XKR4: variants seen among roughly 807,000 people sequenced by gnomAD.
XKR4 encodes the protein XK-related protein 4.
In XKR4, 12 loss-of-function variants were observed where a neutral mutation model predicts 53.9. The ratio of observed to expected loss-of-function variants is 0.22; its 90% CI spans 0.14 to 0.36. The LOEUF is 0.36. Among genes scored for constraint, XKR4 ranks in the 10% least tolerant of loss-of-function variants. XKR4 has a pLI of 1.00. For missense variants in XKR4, 799 were observed against 859.5 expected (o/e 0.93, Z 0.88); for synonymous variants, 354 against 362.4 (o/e 0.98, Z 0.26).
rs1806826288 is a variant in XKR4 at position 55,523,265 on chromosome 8, C to T, written c.1007-16C>T. 6.4e-7 allele frequency: 1 copy of T among 1,573,246 alleles called. No homozygotes were observed. The highest frequency in any genetic ancestry group is 1.3e-5 in the African/African-American group (1 of 74,114). On this transcript the variant is annotated splice_polypyrimidine_tract_variant and intron_variant, in intron 2 of 2. Coordinates refer to ENST00000327381, the MANE Select transcript of XKR4 (RefSeq NM_052898.2). ...AACTGATTTCTGACACACTGTCTTC[C>T]TGTTTGCCTTTGTAGGTTTCACAGC...
At chr8:55,449,857 G>T in intron 2 of XKR4, 1 of 1,005,450 alleles carries the variant, frequency 9.9e-7, no homozygotes, top group Non-Finnish European at 1.6e-6. Flanking sequence ...CAGCTGTCTG[G>T]AACTGGCTGT....
At chr8:55,378,755 C>T (rs1185816504) in intron 2 of XKR4, among the ~76,000 whole-genome samples, 1 of 151,940 alleles carries the variant, frequency 6.6e-6, no homozygotes, top group African/African-American at 2.4e-5. Flanking sequence ...CAAGCCCTGA[C>T]TCTATGATTC....
At chr8:55,485,262 A>G (rs1806175193) in intron 2 of XKR4, among the ~76,000 whole-genome samples, 1 of 152,220 alleles carries the variant, frequency 6.6e-6, no homozygotes, top group Admixed American at 6.5e-5. Context: ...AGACACTGCA[A>G]TAAGGCAAGA....
chr8:55,240,378 T>TA (rs1279157029), intron 1 of XKR4, among the ~76,000 whole-genome samples: 1 of 152,158 alleles, frequency 6.6e-6, no homozygotes, highest in Non-Finnish European at 1.5e-5. Flanking sequence ...CATGTGTTTT[T>TA]AAAAAAATAC....
intron 1 of XKR4, among the ~76,000 whole-genome samples, chr8:55,227,125 C>T (rs771784201): frequency 5.9e-5 from 9 of 152,330 alleles, no homozygotes; most frequent in Middle Eastern, 6.8e-3. Context: ...ACAGAGTCCT[C>T]GTGGCGTTTA....
chr8:55,149,648 C>T (rs1816815609), intron 1 of XKR4, among the ~76,000 whole-genome samples: 1 of 152,160 alleles, frequency 6.6e-6, no homozygotes, highest in South Asian at 2.1e-4. Context: ...GAAGATGCCC[C>T]AAGCTCTGGC....
intron 1 of XKR4, among the ~76,000 whole-genome samples, chr8:55,124,823 C>T (rs1816439663): frequency 6.6e-6 from 1 of 152,198 alleles, no homozygotes; most frequent in African/African-American, 2.4e-5. Flanking sequence ...AAGCAATCCT[C>T]CCACCTTAGC....
At chr8:55,420,623 C>T (rs934470340) in intron 2 of XKR4, among the ~76,000 whole-genome samples, 22 of 105,578 alleles carry the variant, frequency 2.1e-4, no homozygotes, top group South Asian at 8.9e-4. Flanking sequence ...CATCGCACTC[C>T]GGGGACTGTT....
At chr8:55,156,401 G>A (rs540343034) in intron 1 of XKR4, among the ~76,000 whole-genome samples, 2 of 143,648 alleles carry the variant, frequency 1.4e-5, no homozygotes, top group African/African-American at 2.5e-5. Context: ...GCATAGTCAC[G>A]GCGTAAGATG....
rs1394017087 is a variant in XKR4, at chr8:55,541,859, C to T, written c.*17632C>T. 1.3e-5 allele frequency: 2 copies of T among 152,118 alleles called. No individual in the cohort carries two copies. Among genetic ancestry groups the T allele is most frequent in the African/African-American group, 2.4e-5 (1 of 41,510 alleles). 9.4% of individuals were successfully genotyped at this position (152,118 alleles called of 1,614,324 possible). ...AGGCCACTGTCAGCAGGCAGTGACC[C>T]CCAGTGCCCTAGTTTGAAGCACAGT... On this transcript the variant is annotated 3_prime_UTR_variant, in exon 3 of 3. Coordinates refer to ENST00000327381, the MANE Select transcript of XKR4 (RefSeq NM_052898.2).
At chr8:55,146,825 C>T (rs748329249) in intron 1 of XKR4, among the ~76,000 whole-genome samples, 8 of 152,218 alleles carry the variant, frequency 5.3e-5, no homozygotes, top group Non-Finnish European at 1.0e-4. Context: ...ACTGGCCCAG[C>T]TTCAGGGATG....
At chr8:55,304,206 T>A (rs1819253034) in intron 1 of XKR4, among the ~76,000 whole-genome samples, 1 of 152,238 alleles carries the variant, frequency 6.6e-6, no homozygotes, top group Non-Finnish European at 1.5e-5. Context: ...GTGTCTTTGT[T>A]CTCATTGGTT....
chr8:55,363,675 C>G (rs1585539327), intron 2 of XKR4, among the ~76,000 whole-genome samples: 1 of 152,168 alleles, frequency 6.6e-6, no homozygotes, highest in Non-Finnish European at 1.5e-5. Context: ...ATCCCAGTCA[C>G]CCCTGTGCCC....
chr8:55,302,605 A>T (rs951761903), intron 1 of XKR4, among the ~76,000 whole-genome samples: 10 of 152,078 alleles, frequency 6.6e-5, no homozygotes, highest in South Asian at 4.2e-4. Context: ...CATTTTCATG[A>T]TATTGATTCT....
At chr8:55,459,824 G>A (rs1489510649) in intron 2 of XKR4, among the ~76,000 whole-genome samples, 2 of 152,140 alleles carry the variant, frequency 1.3e-5, no homozygotes, top group South Asian at 2.1e-4. Flanking sequence ...TGCTAGTGAT[G>A]AAGTAAAATG....
intron 1 of XKR4, among the ~76,000 whole-genome samples, chr8:55,124,294 T>C (rs940558926): frequency 5.9e-5 from 9 of 152,202 alleles, no homozygotes; most frequent in African/African-American, 2.2e-4. Context: ...CAGCTCTTTG[T>C]GGAACCTTCT....
chr8:55,357,839 G>A lies in XKR4; in HGVS notation c.968G>A (p.Cys323Tyr). The A allele has an allele frequency of 6.2e-7, 1 of 1,614,142 alleles. No individual in the cohort carries two copies. The highest frequency in any genetic ancestry group is 8.5e-7 in the Non-Finnish European group (1 of 1,180,028). ...ESAPQLVLQL[C>Y]IIVQTHSLQA... is the part of the protein sequence containing the mutation. ...GCTCCACAGCTGGTCCTGCAGCTCT[G>A]CATTATCGTACAGACTCATAGCTTA... is the stretch of plus-strand genomic sequence containing the variant. Residue 323 changes from cysteine (C) to tyrosine (Y), a missense_variant, in exon 2 of 3, where the codon TGC (cysteine) becomes TAC (tyrosine). This residue lies in a region of XKR4 where 476 missense variants were observed against 505.4 expected (regional missense o/e 0.94). Transcript: ENST00000327381.
At chr8:55,388,929 C>T (rs575348472) in intron 2 of XKR4, among the ~76,000 whole-genome samples, 2 of 152,318 alleles carry the variant, frequency 1.3e-5, no homozygotes, top group South Asian at 4.1e-4. Context: ...AGTCTTATGC[C>T]TCAGCACCTC....
chr8:55,452,640 C>T (rs1022559242), intron 2 of XKR4: 18 of 1,418,652 alleles, frequency 1.3e-5, no homozygotes, highest in Non-Finnish European at 1.8e-5. Context: ...GACATGCAGC[C>T]CCTTGAGGTG....
Sources: allele counts gnomAD v4.1 joint callset (sites outside exome capture counted in the v4.1 genomes callset), GRCh38; gene constraint gnomAD v4.1.1; regional missense constraint gnomAD v4.1.1; transcripts MANE v1.5; gene names NCBI Gene and HGNC (gene_info 2026-07-23, HGNC 2026-07-21).